Variants in FKBP5 observed in about 807,000 individuals in gnomAD.
FKBP5 encodes the protein FKBP prolyl isomerase 5, also known as peptidyl-prolyl cis-trans isomerase FKBP5.
A neutral mutation model predicts 50.5 loss-of-function variants in FKBP5; 23 were observed. The ratio of observed to expected loss-of-function variants is 0.46; its 90% CI spans 0.33 to 0.65. The LOEUF is 0.65. Among genes scored for constraint, FKBP5 ranks in the 30% least tolerant of loss-of-function variants. The pLI is 0.02. For missense variants in FKBP5, 411 were observed against 553.1 expected (o/e 0.74, Z 2.58); for synonymous variants, 176 against 190.6 (o/e 0.92, Z 0.63).
intron 1 of FKBP5, among the ~76,000 whole-genome samples, chr6:35,674,064 A>T (rs1765464118): frequency 6.6e-6 from 1 of 152,068 alleles, no homozygotes; most frequent in African/African-American, 2.4e-5. Context: ...TTTCCACCTT[A>T]TGGCTTGATG....
chr6:35,670,926 T>C (rs571021673), intron 1 of FKBP5, among the ~76,000 whole-genome samples: 34 of 152,158 alleles, frequency 2.2e-4, no homozygotes, highest in African/African-American at 7.2e-4. Context: ...TATATGGTAA[T>C]ACCAAAGTTT....
At chr6:35,691,524 G>A (rs1244633291), upstream of FKBP5, among the ~76,000 whole-genome samples, 1 of 152,154 alleles carries the variant, frequency 6.6e-6, no homozygotes, top group African/African-American at 2.4e-5. Flanking sequence ...GCCAGGCTGT[G>A]TTGTAATACA....
chr6:35,602,020 A>C (rs1425339111), intron 5 of FKBP5, among the ~76,000 whole-genome samples: 1 of 152,180 alleles, frequency 6.6e-6, no homozygotes, highest in African/African-American at 2.4e-5. Context: ...AACATCACTT[A>C]AACTGGAGCT....
chr6:35,683,120 A>ATATGTGTGTGTGTG (rs1765724073), intron 1 of FKBP5, among the ~76,000 whole-genome samples: 1 of 80,650 alleles, frequency 1.2e-5, no homozygotes, highest in African/African-American at 4.5e-5. Flanking sequence ...ATATACGTAT[A>ATATGTGTGTGTGTG]TGTGTGTGTG....
chr6:35,628,057 G>A (rs1764053227), intron 3 of FKBP5, among the ~76,000 whole-genome samples: 1 of 151,476 alleles, frequency 6.6e-6, no homozygotes, highest in South Asian at 2.1e-4. Flanking sequence ...ACAGGTGTGA[G>A]CCACTGTGCC....
At chr6:35,653,677 G>A (rs935025592) in intron 1 of FKBP5, among the ~76,000 whole-genome samples, 4 of 152,144 alleles carry the variant, frequency 2.6e-5, no homozygotes. Context: ...TACACTGGTT[G>A]AAGAAATTAG....
chr6:35,652,236 T>A (rs1364303209), intron 1 of FKBP5, among the ~76,000 whole-genome samples: 1 of 152,184 alleles, frequency 6.6e-6, no homozygotes, highest in African/African-American at 2.4e-5. Context: ...TTGCGTTAAG[T>A]ACACAAATTG....
At chr6:35,602,447 C>T (rs181370031) in intron 5 of FKBP5, among the ~76,000 whole-genome samples, 3 of 152,032 alleles carry the variant, frequency 2.0e-5, no homozygotes, top group Admixed American at 6.6e-5. Flanking sequence ...CATTACTACT[C>T]GACAAGACTG....
At position 35,584,350 on chromosome 6, in the gene FKBP5, C is replaced by T. The variant is rs1414661416; in HGVS notation, c.840+2684G>A. 4 of 985,274 alleles carry T rather than the reference C, an allele frequency of 4.1e-6. No individual in the cohort carries two copies. In the African/African-American group the frequency reaches 7.0e-5, roughly 17 times the overall value. The allele number at this position is 985,274 out of a possible 1,614,324, so 61.0% of individuals were successfully genotyped here. A position where few individuals can be genotyped will look rare whatever the true frequency, so the allele number is the denominator to read the frequency against. ...ATCCTACTCAGGAGAGAGGCTTTACCCATTTAGGTATAAACCAAACCAACA... is the reference window on the plus strand; with the variant it reads ...ATCCTACTCAGGAGAGAGGCTTTACTCATTTAGGTATAAACCAAACCAACA... On this transcript the variant is annotated intron_variant, in intron 8 of 10. Coordinates refer to ENST00000357266, the MANE Select transcript of FKBP5 (RefSeq NM_004117.4).
chr6:35,610,209 A>G (rs1452088009), intron 5 of FKBP5, among the ~76,000 whole-genome samples: 2 of 152,170 alleles, frequency 1.3e-5, no homozygotes, highest in Non-Finnish European at 2.9e-5. Context: ...GGAGCAGAAC[A>G]CTTTAGTATT....
intron 2 of FKBP5, among the ~76,000 whole-genome samples, chr6:35,696,127 A>C (rs1766076774): frequency 6.9e-6 from 1 of 144,530 alleles, no homozygotes; most frequent in Non-Finnish European, 1.5e-5. Context: ...CCTGGGCGAC[A>C]GTGTGAGACT....
chr6:35,592,027 A>G (rs979886174), intron 6 of FKBP5, among the ~76,000 whole-genome samples: 1 of 152,230 alleles, frequency 6.6e-6, no homozygotes, highest in African/African-American at 2.4e-5. Context: ...ATTTACTAGA[A>G]TGGGAGCTGT....
chr6:35,577,785 G>C (rs986988292), intron 9 of FKBP5, among the ~76,000 whole-genome samples: 2 of 152,224 alleles, frequency 1.3e-5, no homozygotes, highest in Non-Finnish European at 2.9e-5. Context: ...GCCGGGTGCA[G>C]TGGTTCACAC....
chr6:35,710,116 A>C (rs946482398), intron 2 of FKBP5, among the ~76,000 whole-genome samples: 2 of 152,194 alleles, frequency 1.3e-5, no homozygotes, highest in Non-Finnish European at 1.5e-5. Context: ...CAGGAAGAGT[A>C]GCTTCAGAAA....
chr6:35,685,994 A>G (rs1206021590), intron 1 of FKBP5, among the ~76,000 whole-genome samples: 1 of 151,490 alleles, frequency 6.6e-6, no homozygotes, highest in African/African-American at 2.4e-5. Context: ...AAAAAAAAAA[A>G]AAAAAAAAAA....
chr6:35,707,801 GC>G (rs1021480537), intron 2 of FKBP5, among the ~76,000 whole-genome samples: 1 of 152,238 alleles, frequency 6.6e-6, no homozygotes, highest in Non-Finnish European at 1.5e-5. Context: ...GTGAGAACAT[GC>G]GGTATTTGGT....
intron 10 of FKBP5, among the ~76,000 whole-genome samples, 168 bp from the exon 11 acceptor site, chr6:35,576,110 C>T (rs2150948108): frequency 6.6e-6 from 1 of 152,206 alleles, no homozygotes; most frequent in Non-Finnish European, 1.5e-5. Context: ...AGAGTGGGAG[C>T]TTCACCTTTC....
chr6:35,705,663 T>A (rs1168400687), intron 2 of FKBP5, among the ~76,000 whole-genome samples: 1 of 152,166 alleles, frequency 6.6e-6, no homozygotes, highest in East Asian at 1.9e-4. Context: ...AGGAAACATT[T>A]AAGTATTCAG....
intron 2 of FKBP5, among the ~76,000 whole-genome samples, chr6:35,705,247 TATATATATA>T (rs1431387669): frequency 1.0e-2 from 38 of 3,816 alleles, no homozygotes; most frequent in African/African-American, 0.018. Context: ...TATATATATA[TATATATATA>T]TATTTTTTTT....
Sources: gnomAD v4.1 joint callset for allele counts (sites outside exome capture counted in the v4.1 genomes callset) on GRCh38, gnomAD v4.1.1 for gene constraint, MANE v1.5 for transcripts, NCBI Gene and HGNC (gene_info 2026-07-23, HGNC 2026-07-21) for gene names.